ZC3H12B: variants seen among roughly 807,000 people sequenced by gnomAD.
The protein encoded by ZC3H12B is probable ribonuclease ZC3H12B.
ZC3H12B carries 7 observed loss-of-function variants against 43.9 expected under a neutral mutation model. The ratio of observed to expected loss-of-function variants is 0.16; its 90% CI spans 0.09 to 0.30. The LOEUF is 0.30. ZC3H12B is among the 10% of genes least tolerant of loss of function. The pLI, the probability that ZC3H12B is intolerant of heterozygous loss-of-function variation, is 1.00. For synonymous variants in ZC3H12B, 222 were observed against 241.7 expected (o/e 0.92, Z 0.76); for missense variants, 475 against 670.2 (o/e 0.71, Z 3.22).
chrX:65,055,451 G>A, the ZC3H12B span, among the ~76,000 whole-genome samples: 1 of 111,658 alleles, frequency 9.0e-6, no homozygotes, highest in Non-Finnish European at 1.9e-5. Context: ...TGATCATGGT[G>A]GATAAGCTTT....
At chrX:65,198,967 C>G in the ZC3H12B span, among the ~76,000 whole-genome samples, 3 of 110,903 alleles carry the variant, frequency 2.7e-5, no homozygotes, top group South Asian at 7.6e-4. Context: ...TCTGAGATTA[C>G]AAGCATGCAT....
At chrX:65,310,491 G>A in the ZC3H12B span, among the ~76,000 whole-genome samples, 1 of 111,296 alleles carries the variant, frequency 9.0e-6, no homozygotes, top group South Asian at 3.8e-4. Context: ...ACTGCTCAAC[G>A]GAATAAAAGA....
chrX:65,158,461 A>T, the ZC3H12B span, among the ~76,000 whole-genome samples: 1 of 111,981 alleles, frequency 8.9e-6, no homozygotes, highest in Non-Finnish European at 1.9e-5. Context: ...AATGATTGTC[A>T]TTCTAACTGG....
the ZC3H12B span, among the ~76,000 whole-genome samples, chrX:65,213,053 C>A: frequency 9.2e-6 from 1 of 108,290 alleles, no homozygotes; most frequent in African/African-American, 3.3e-5. Context: ...ACTCTCTTCT[C>A]CACCTCCCCA....
At chrX:65,383,837 TA>T (rs1224651031) in intron 2 of ZC3H12B, among the ~76,000 whole-genome samples, 1 of 110,128 alleles carries the variant, frequency 9.1e-6, no homozygotes, top group Non-Finnish European at 1.9e-5. Context: ...TCACACCAGT[TA>T]GAATGGCAAT....
chrX:65,283,214 G>T, the ZC3H12B span, among the ~76,000 whole-genome samples: 1 of 111,326 alleles, frequency 9.0e-6, no homozygotes, highest in African/African-American at 3.3e-5. Flanking sequence ...CAGAACCAAA[G>T]ACAAAAACCA....
the ZC3H12B span, among the ~76,000 whole-genome samples, chrX:65,256,333 A>G: frequency 2.7e-5 from 3 of 111,748 alleles, no homozygotes; most frequent in East Asian, 8.3e-4. Context: ...AATTATACCA[A>G]ACACATTCCA....
the ZC3H12B span, among the ~76,000 whole-genome samples, chrX:65,349,654 T>TA: frequency 9.0e-6 from 1 of 110,887 alleles, no homozygotes; most frequent in Non-Finnish European, 1.9e-5. Flanking sequence ...ATAGATCCAA[T>TA]AAAAAAATTA....
chrX:65,295,344 A>T, the ZC3H12B span, among the ~76,000 whole-genome samples: 1 of 111,844 alleles, frequency 8.9e-6, no homozygotes, highest in Non-Finnish European at 1.9e-5. Context: ...AATTTAAAAA[A>T]TTATTTGAAC....
chrX:65,057,366 A>C, the ZC3H12B span, among the ~76,000 whole-genome samples: 1 of 111,626 alleles, frequency 9.0e-6, no homozygotes, highest in African/African-American at 3.3e-5. Context: ...TGGATATGAA[A>C]TTCTGGGTTG....
At chrX:65,361,344 G>A in the ZC3H12B span, among the ~76,000 whole-genome samples, 2 of 111,911 alleles carry the variant, frequency 1.8e-5, no homozygotes, top group African/African-American at 6.5e-5. Flanking sequence ...TTCATACTCA[G>A]TCTTTGAATT....
chrX:65,331,770 C>T, the ZC3H12B span, among the ~76,000 whole-genome samples: 1 of 110,661 alleles, frequency 9.0e-6, no homozygotes, highest in Non-Finnish European at 1.9e-5. Flanking sequence ...GAGCAATCCC[C>T]AAAACTGAGT....
chrX:65,135,628 G>A, the ZC3H12B span, among the ~76,000 whole-genome samples: 1 of 108,523 alleles, frequency 9.2e-6, no homozygotes. Flanking sequence ...GTTATTTCTT[G>A]TAGTACTTTT....
intron 3 of ZC3H12B, among the ~76,000 whole-genome samples, chrX:65,443,690 G>A (rs1370509093): frequency 8.9e-6 from 1 of 112,451 alleles, no homozygotes; most frequent in African/African-American, 3.2e-5. Context: ...TTTCCAGCCT[G>A]GGCGGGCCAG....
chrX:65,129,381 G>A, the ZC3H12B span, among the ~76,000 whole-genome samples: 3 of 109,275 alleles, frequency 2.7e-5, no homozygotes, highest in Non-Finnish European at 5.7e-5. Context: ...GGGTGCAGGT[G>A]GGCTGAGCCT....
At chrX:65,481,400 C>T (rs1056589932) in intron 3 of ZC3H12B, among the ~76,000 whole-genome samples, 1 of 111,879 alleles carries the variant, frequency 8.9e-6, no homozygotes, top group Non-Finnish European at 1.9e-5. Flanking sequence ...TTAGAACCCT[C>T]AGCACCTAGA....
the ZC3H12B span, among the ~76,000 whole-genome samples, chrX:65,138,159 C>A: frequency 8.9e-6 from 1 of 112,309 alleles, no homozygotes; most frequent in African/African-American, 3.2e-5. Context: ...ACTATAGTCA[C>A]CAAGTTGTAT....
At chrX:65,332,353 G>A in the ZC3H12B span, among the ~76,000 whole-genome samples, 1 of 111,244 alleles carries the variant, frequency 9.0e-6, no homozygotes, top group African/African-American at 3.3e-5. Context: ...TCCAATAAAA[G>A]GTGATATCTG....
chrX:65,201,839 C>A, the ZC3H12B span, among the ~76,000 whole-genome samples: 1 of 106,693 alleles, frequency 9.4e-6, no homozygotes, highest in African/African-American at 3.4e-5. Flanking sequence ...GGTTGGTTTT[C>A]TCCATGCTGT....
Sources: gnomAD v4.1 joint callset for allele counts (sites outside exome capture counted in the v4.1 genomes callset) on GRCh38, gnomAD v4.1.1 for gene constraint, MANE v1.5 for transcripts, NCBI Gene and HGNC (gene_info 2026-07-23, HGNC 2026-07-21) for gene names.